MOBP: variants seen among roughly 807,000 people sequenced by gnomAD.
MOBP encodes myelin-associated oligodendrocyte basic protein.
Under a neutral mutation model 15.0 loss-of-function variants are expected in MOBP, and 5 were observed. The ratio of observed to expected loss-of-function variants is 0.33; its 90% confidence interval spans 0.17 to 0.70. The LOEUF is 0.70. Ranked by LOEUF, MOBP falls within the 30% of genes least tolerant of loss-of-function variation. The probability of loss-of-function intolerance (pLI) is 0.67; values close to 1 mark genes in which losing one functional copy is unlikely to be tolerated. For synonymous variants in MOBP, 88 were observed against 99.0 expected (o/e 0.89, Z 0.66); for missense variants, 188 against 257.8 (o/e 0.73, Z 1.85).
At chr3:39,523,623 T>G (rs191274615) in intron 3 of MOBP, among the ~76,000 whole-genome samples, 8 of 152,390 alleles carry the variant, frequency 5.2e-5, no homozygotes, top group Non-Finnish European at 7.3e-5. Flanking sequence ...TTTCTTGATA[T>G]TTCTTCTTAA....
intron 2 of MOBP, among the ~76,000 whole-genome samples, chr3:39,495,258 CA>C (rs2042861275): frequency 6.6e-6 from 1 of 152,040 alleles, no homozygotes; most frequent in South Asian, 2.1e-4. Flanking sequence ...GCCAATGTAA[CA>C]AAAATATCTC....
Position 39,502,984 on chromosome 3 carries a change from A to G in MOBP, c.*104A>G. 5.0e-6 allele frequency: 3 copies of G among 604,260 alleles called. No homozygotes were observed. Among genetic ancestry groups the G allele is most frequent in the Non-Finnish European group, 8.6e-6 (3 of 347,900 alleles). The allele number at this position is 604,260 out of a possible 1,614,324, so 37.4% of individuals were successfully genotyped here. On this transcript the variant is annotated 3_prime_UTR_variant, in exon 4 of 4. Coordinates refer to ENST00000684792, the MANE Select transcript of MOBP (RefSeq NM_001393704.1). The surrounding 1 kb of genome is among the most constrained non-coding windows in gnomAD (Gnocchi z 6.3). ...TGGCCCTCTTCAGCCTTATTACCCA[A>G]CCTGTGTAATCAGCTCCCTCCATTA...
At chr3:39,487,400 G>C (rs17704916) in intron 2 of MOBP, among the ~76,000 whole-genome samples, 2,092 of 151,892 alleles carry the variant, frequency 0.014, 24 homozygotes, top group African/African-American at 0.029. Flanking sequence ...TTTTTGAATA[G>C]AACTGTTCCA....
At chr3:39,473,700 G>A (rs2042502122) in intron 1 of MOBP, among the ~76,000 whole-genome samples, 1 of 152,144 alleles carries the variant, frequency 6.6e-6, no homozygotes, top group South Asian at 2.1e-4. Context: ...GCCCTGGGAG[G>A]GGCAGCGTCT....
At chr3:39,513,546 T>G in exon 5 of MOBP, 1 of 969,814 alleles carries the variant, frequency 1.0e-6, no homozygotes, top group Non-Finnish European at 1.6e-6. Flanking sequence ...CCTGCTGATG[T>G]GGCAACTGCT....
intron 4 of MOBP, among the ~76,000 whole-genome samples, chr3:39,511,622 A>G (rs1354356602): frequency 6.6e-6 from 1 of 152,076 alleles, no homozygotes; most frequent in Non-Finnish European, 1.5e-5. Flanking sequence ...CCTTTCTGTG[A>G]GCTCCCTTGA....
rs537350731 is a variant in MOBP, at chr3:39,492,658, C to T, written c.-4-9408C>T. Among the ~76,000 whole-genome samples, 3 of 152,222 alleles carry T rather than the reference C, an allele frequency of 2.0e-5. No individual in the cohort carries two copies. In the East Asian group the frequency reaches 5.8e-4, roughly 29 times the overall value. On this transcript the variant is annotated intron_variant, in intron 2 of 3. Coordinates refer to ENST00000684792, the MANE Select transcript of MOBP (RefSeq NM_001393704.1). ...TTCTTGCTTTATTAACCTGAAATTT[C>T]TTTCTTAAGTATATATTAAACATCC...
At chr3:39,520,324 G>A (rs1382356964), downstream of MOBP, among the ~76,000 whole-genome samples, 1 of 152,142 alleles carries the variant, frequency 6.6e-6, no homozygotes, top group Admixed American at 6.6e-5. Context: ...TCCTTAACTT[G>A]TGTTCACCTA....
intron 4 of MOBP, among the ~76,000 whole-genome samples, chr3:39,509,309 A>G (rs1047661484): frequency 2.0e-5 from 3 of 152,098 alleles, no homozygotes; most frequent in African/African-American, 7.2e-5. Flanking sequence ...CAGCTAAATT[A>G]TTTTCCAAAG....
exon 5 of MOBP, chr3:39,524,880 C>G (rs577261684): frequency 2.6e-5 from 4 of 152,080 alleles, no homozygotes; most frequent in Non-Finnish European, 5.9e-5. Context: ...TAAAACAAAT[C>G]AGACATACAC....
intron 2 of MOBP, among the ~76,000 whole-genome samples, chr3:39,490,531 G>T (rs960854755): frequency 2.6e-5 from 4 of 152,118 alleles, no homozygotes; most frequent in Admixed American, 1.3e-4. Flanking sequence ...TATGAAAATT[G>T]TAATTCCCAG....
chr3:39,479,354 G>A (rs2042592215), intron 1 of MOBP, among the ~76,000 whole-genome samples: 1 of 150,074 alleles, frequency 6.7e-6, no homozygotes, highest in Admixed American at 6.6e-5. Context: ...TCTTTTGGAA[G>A]CTATTTTTGT....
At chr3:39,474,557 C>T (rs995555427) in intron 1 of MOBP, among the ~76,000 whole-genome samples, 2 of 152,188 alleles carry the variant, frequency 1.3e-5, no homozygotes, top group Admixed American at 6.5e-5. Context: ...TAAATGATCC[C>T]TCATTGACTG....
chr3:39,470,045 C>G (rs968260591), intron 1 of MOBP, among the ~76,000 whole-genome samples: 1 of 152,124 alleles, frequency 6.6e-6, no homozygotes. Flanking sequence ...TATAATAATT[C>G]CTTTCTAAGT....
At chr3:39,476,257 C>G (rs2042544063) in intron 1 of MOBP, among the ~76,000 whole-genome samples, 1 of 152,202 alleles carries the variant, frequency 6.6e-6, no homozygotes, top group Admixed American at 6.5e-5. Context: ...CGCCTCCCAC[C>G]AGGGTCCATC....
downstream of MOBP, among the ~76,000 whole-genome samples, chr3:39,518,128 C>T (rs757978783): frequency 3.9e-5 from 6 of 152,182 alleles, no homozygotes; most frequent in Non-Finnish European, 7.3e-5. Flanking sequence ...GAAGCATATG[C>T]ACTCTCTTAA....
rs75150859 is a variant in MOBP at position 39,490,110 on chromosome 3, G to A, written c.-5+9987G>A. Among the ~76,000 whole-genome samples, 804 of 152,200 alleles carry A rather than the reference G, an allele frequency of 5.3e-3. 6 individuals carry two copies. The highest frequency in any genetic ancestry group is 0.018 in the African/African-American group (758 of 41,518). On this transcript the variant is annotated intron_variant, in intron 2 of 3. Transcript: ENST00000684792. ...TATCTTCTCTTCTTTAATAAGCTAG[G>A]CTGACTTTAGGAAAGATAAAGAATA... is the stretch of plus-strand genomic sequence containing the variant.
intron 2 of MOBP, among the ~76,000 whole-genome samples, chr3:39,480,425 G>C (rs1575288924): frequency 6.6e-6 from 1 of 152,280 alleles, no homozygotes; most frequent in East Asian, 1.9e-4. Context: ...CTGATAAACA[G>C]ACTTCCTCCC....
At chr3:39,525,795 A>T (rs2043316888), downstream of MOBP, 1 of 152,764 alleles carries the variant, frequency 6.5e-6, no homozygotes, top group African/African-American at 2.4e-5. Context: ...TACTGTCCCA[A>T]GGCAGCTGGA....
Sources: allele counts gnomAD v4.1 joint callset (sites outside exome capture counted in the v4.1 genomes callset), GRCh38; gene constraint gnomAD v4.1.1; non-coding constraint Gnocchi (gnomAD v3.1); transcripts MANE v1.5; gene names NCBI Gene and HGNC (gene_info 2026-07-23, HGNC 2026-07-21).